The following NTMT1 variants were observed in gnomAD, a reference collection of about 807,000 sequenced individuals.
The protein encoded by NTMT1 is N-terminal RCC1 methyltransferase.
A neutral mutation model predicts 17.5 loss-of-function variants in NTMT1; 8 were observed. The observed-to-expected ratio is 0.46, with a 90% CI of 0.27 to 0.82. The LOEUF is 0.82. NTMT1 is among the 40% of genes least tolerant of loss of function. NTMT1 has a pLI of 0.15. For missense variants in NTMT1, 221 were observed against 303.5 expected (o/e 0.73, Z 2.02); for synonymous variants, 128 against 126.8 (o/e 1.01, Z -0.06).
In NTMT1 at chr9:129,635,372, A is replaced by G. The variant is rs1194454524; in HGVS notation, c.580A>G (p.Ile194Val). ...CRDLDVVRRI[I>V]CSAGLSLLAE... ...GGACCTTGACGTGGTCCGCAGGATC[A>G]TCTGCAGTGCAGGCCTCAGCCTCCT... The change falls in exon 4 of 4, where the codon ATC becomes GTC. Residue 194 changes from isoleucine to valine, a missense_variant. Transcript: ENST00000372483. The G allele has an allele frequency of 1.2e-6, 2 of 1,613,684 alleles. No individual in the cohort carries two copies. Among genetic ancestry groups the G allele is most frequent in the Non-Finnish European group, 1.7e-6 (2 of 1,180,038 alleles).
Position 129,635,488 on chromosome 9 carries a change from AG to A in NTMT1, c.*26del, listed in dbSNP as rs769251299. 6.3e-7 allele frequency: 1 copy of A among 1,596,644 alleles called. No homozygotes were observed. Among genetic ancestry groups the A allele is most frequent in the South Asian group, 1.1e-5 (1 of 89,706 alleles). On this transcript the variant is annotated 3_prime_UTR_variant, in exon 4 of 4. Coordinates refer to ENST00000372483, the MANE Select transcript of NTMT1 (RefSeq NM_014064.4). ...GAGCCGGGGCTGGCAGGAGAAACTG[AG>A]GAACCACAGTCCTGGTGGGGGGAGC...
At position 129,635,326 on chromosome 9, in the gene NTMT1, C is replaced by T. The variant is rs759109241; in HGVS notation, c.534C>T (p.Asp178=). Residue 178 remains aspartate (D), a synonymous_variant, in exon 4 of 4, where the codon GAC becomes GAT. Transcript: ENST00000372483. The part of the protein sequence containing the change: ...NMAQEGVILD[D]VDSSVCRDLD... ...CCCAGGAGGGCGTGATTCTGGACGA[C>T]GTGGACAGCAGCGTGTGCCGGGACC... The T allele has an allele frequency of 2.5e-5, 40 of 1,613,726 alleles. No individual in the cohort carries two copies. Among genetic ancestry groups the T allele is most frequent in the African/African-American group, 8.0e-5 (6 of 74,940 alleles).
In NTMT1 at chr9:129,620,021, A is replaced by G. The variant is rs1449739132; in HGVS notation, c.-55+10843A>G. The G allele has an allele frequency of 6.9e-7, 1 of 1,451,798 alleles. No homozygotes were observed. Among genetic ancestry groups the G allele is most frequent in the Non-Finnish European group, 9.1e-7 (1 of 1,096,404 alleles). 89.9% of individuals were successfully genotyped at this position (1,451,798 alleles called of 1,614,324 possible). A position where few individuals can be genotyped will look rare whatever the true frequency, so the allele number is the denominator to read the frequency against. The stretch of plus-strand genomic sequence containing the variant: ...GCGGGGACACAAGGGACCACCCCCC[A>G]CCGGAAATGACTCGGGCCCGCCCCC... On this transcript the variant is annotated intron_variant, in intron 1 of 3. Coordinates refer to the NTMT1 transcript ENST00000372486. The surrounding 1 kb of genome is among the most constrained non-coding windows in gnomAD (Gnocchi z 5.8).
chr9:129,611,849 CT>C (rs1830120820), intron 1 of NTMT1, among the ~76,000 whole-genome samples: 2 of 152,058 alleles, frequency 1.3e-5, no homozygotes, highest in Non-Finnish European at 2.9e-5. Flanking sequence ...ACCACCTGGG[CT>C]CAAGCAATCT....
chr9:129,634,191 C>G lies in NTMT1; in HGVS notation c.300C>G (p.Ala100=), dbSNP rs750529446. 5 of 1,614,156 alleles carry G rather than the reference C, an allele frequency of 3.1e-6. No homozygotes were observed. Among genetic ancestry groups the G allele is most frequent in the Non-Finnish European group, 4.2e-6 (5 of 1,180,026 alleles). Residue 100 remains alanine (A), a synonymous_variant, in exon 3 of 4, where the codon GCC becomes GCG. Coordinates refer to ENST00000372483, the MANE Select transcript of NTMT1 (RefSeq NM_014064.4). ...TAACGGAGGACTTCCTGGTTCAAGC[C>G]AAGACCTACCTGGGGGAGGAGGGCA... The part of the protein sequence containing the change: ...VDITEDFLVQ[A]KTYLGEEGKR...
rs1404461713 is a variant in NTMT1 at position 129,635,191 on chromosome 9, G to A, written c.416-17G>A. ...GCTTGCATGGTGCCCTGGTAACCTTGCCTCTGCCCTCCCCAGGCCACCTCA... is the reference window on the plus strand; with the variant it reads ...GCTTGCATGGTGCCCTGGTAACCTTACCTCTGCCCTCCCCAGGCCACCTCA... On this transcript the variant is annotated splice_polypyrimidine_tract_variant and intron_variant, in intron 3 of 3. Transcript: ENST00000372483. The A allele has an allele frequency of 2.5e-6, 4 of 1,598,584 alleles. No homozygotes were observed. The Admixed American group carries it at 6.7e-5, about 27-fold the overall frequency.
At chr9:129,623,437 G>A (rs1018975208), upstream of NTMT1, among the ~76,000 whole-genome samples, 1 of 152,228 alleles carries the variant, frequency 6.6e-6, no homozygotes, top group African/African-American at 2.4e-5. Flanking sequence ...CTGGAGAAGT[G>A]TCTTCTTTCT....
At chr9:129,634,495 T>A in intron 3 of NTMT1, 189 bp downstream of exon 3, 1 of 518,278 alleles carries the variant, frequency 1.9e-6, no homozygotes, top group Non-Finnish European at 3.1e-6. Flanking sequence ...AAAAGGTAGA[T>A]TTCTTCCTTC....
rs1481523744 is a variant in NTMT1 at position 129,635,208 on chromosome 9, GC to G, written c.418del (p.His140ThrfsTer35). 1 of 1,606,856 alleles carries G rather than the reference GC, an allele frequency of 6.2e-7. No homozygotes were observed. Among genetic ancestry groups the G allele is most frequent in the Non-Finnish European group, 8.5e-7 (1 of 1,179,154 alleles). ...YDVIWIQWVI[G>X]HLTDQHLAEF... is the part of the protein sequence containing the mutation. The stretch of plus-strand genomic sequence containing the variant: ...GTAACCTTGCCTCTGCCCTCCCCAG[GC>G]CACCTCACCGATCAGCACCTGGCCG... On this transcript the variant is annotated frameshift_variant and splice_region_variant, in exon 4 of 4. Coordinates refer to ENST00000372483, the MANE Select transcript of NTMT1 (RefSeq NM_014064.4). LOFTEE classifies it high-confidence loss of function.
rs139480010 is a variant in NTMT1, at chr9:129,635,364, G to A, written c.572G>A (p.Arg191His). ...GTGTGCCGGGACCTTGACGTGGTCC[G>A]CAGGATCATCTGCAGTGCAGGCCTC... is the stretch of plus-strand genomic sequence containing the variant. Reference protein sequence around the residue: ...SSVCRDLDVVRRIICSAGLSL... With the variant: ...SSVCRDLDVVHRIICSAGLSL... Residue 191 changes from arginine to histidine, a missense_variant, in exon 4 of 4, where the codon CGC (arginine) becomes CAC (histidine). Coordinates refer to ENST00000372483, the MANE Select transcript of NTMT1 (RefSeq NM_014064.4). 44 of 1,613,778 alleles carry A rather than the reference G, an allele frequency of 2.7e-5. No homozygotes were observed. Among genetic ancestry groups the A allele is most frequent in the African/African-American group, 1.2e-4 (9 of 75,060 alleles).
At chr9:129,615,367 T>C in intron 1 of NTMT1, 1 of 1,121,622 alleles carries the variant, frequency 8.9e-7, no homozygotes, top group Non-Finnish European at 1.2e-6. Context: ...GCAGGATCAC[T>C]GATCTCTTGG....
At position 129,613,490 on chromosome 9, in the gene NTMT1, G is replaced by C. The variant is rs1039006654; in HGVS notation, c.-55+4312G>C. 2.5e-6 allele frequency: 4 copies of C among 1,614,046 alleles called. No homozygotes were observed. The African/African-American group carries it at 5.3e-5, about 22-fold the overall frequency. On this transcript the variant is annotated intron_variant, in intron 1 of 3. Coordinates refer to the NTMT1 transcript ENST00000372486. The surrounding 1 kb of genome is among the most constrained non-coding windows in gnomAD (Gnocchi z 6.2). ...GCCAGGGTCTCCTCCTTGGCCCCAGGGTACAGGGCTTTGGGCAAACTCTCC... is the reference window on the plus strand; with the variant it reads ...GCCAGGGTCTCCTCCTTGGCCCCAGCGTACAGGGCTTTGGGCAAACTCTCC...
chr9:129,620,297 T>C lies in NTMT1; in HGVS notation c.-55+11119T>C. 1.6e-6 allele frequency: 2 copies of C among 1,253,802 alleles called. No homozygotes were observed. Among genetic ancestry groups the C allele is most frequent in the East Asian group, 3.2e-5 (1 of 31,676 alleles). 77.7% of individuals were successfully genotyped at this position (1,253,802 alleles called of 1,614,324 possible). On this transcript the variant is annotated intron_variant, in intron 1 of 3. Coordinates refer to the NTMT1 transcript ENST00000372486. The surrounding 1 kb of genome is among the most constrained non-coding windows in gnomAD (Gnocchi z 5.8). ...CAGCAGGGACCGCAGCAGCCCCCGCTTCCGCACGGCCCGCCGGGTCGCGGT... is the reference window on the plus strand; with the variant it reads ...CAGCAGGGACCGCAGCAGCCCCCGCCTCCGCACGGCCCGCCGGGTCGCGGT...
In NTMT1 at chr9:129,632,739, C is replaced by G. The variant is rs201367062; in HGVS notation, c.36C>G (p.Phe12Leu). ...AGGTGATAGAAGACGAGAAGCAATT[C>G]TATTCCAAGGCCAAGACCTACTGGA... ...TSEVIEDEKQFYSKAKTYWKQ... is the reference protein window; with the variant it reads ...TSEVIEDEKQLYSKAKTYWKQ... Residue 12 changes from phenylalanine (F) to leucine (L), a missense_variant, in exon 2 of 4, where the codon TTC (phenylalanine) becomes TTG (leucine). By Grantham distance (22) the Phe-to-Leu change is conservative. Transcript: ENST00000372483. The G allele has an allele frequency of 6.2e-7, 1 of 1,614,042 alleles. No individual in the cohort carries two copies. The highest frequency in any genetic ancestry group is 1.3e-5 in the African/African-American group (1 of 74,924).
intron 2 of NTMT1, 73 bp downstream of exon 2, chr9:129,632,938 A>G: frequency 6.6e-7 from 1 of 1,508,900 alleles, no homozygotes; most frequent in Non-Finnish European, 9.1e-7. Flanking sequence ...GTGGGGTGCC[A>G]CCTTTTACAC....
chr9:129,609,025 T>A (rs1409668211), exon 1 of NTMT1: 2 of 152,184 alleles, frequency 1.3e-5, no homozygotes, highest in African/African-American at 4.8e-5. Context: ...TGAGAAAGAG[T>A]TGAGCCTCTC....
chr9:129,609,675 C>T (rs1830068782), intron 1 of NTMT1, among the ~76,000 whole-genome samples: 1 of 152,012 alleles, frequency 6.6e-6, no homozygotes, highest in Non-Finnish European at 1.5e-5. Context: ...GATAGGCCCC[C>T]GGAGGGCCCC....
chr9:129,617,810 A>G (rs1830469943), intron 1 of NTMT1, among the ~76,000 whole-genome samples: 1 of 152,072 alleles, frequency 6.6e-6, no homozygotes, highest in Non-Finnish European at 1.5e-5. Context: ...CAGCCTCCCG[A>G]GTAGCTGGAA....
In NTMT1 at chr9:129,626,259, C is replaced by A. The variant is rs1830887389; in HGVS notation, c.-91C>A. 2 of 152,228 alleles carry A rather than the reference C, an allele frequency of 1.3e-5. No individual in the cohort carries two copies. The allele number at this position is 152,228 out of a possible 1,614,324, so 9.4% of individuals were successfully genotyped here. ...GCCGCCGCCCTCCCTTCCTCTTCCC[C>A]ATCTTCTTCTCTCGGTCCCGGGAGC... On this transcript the variant is annotated 5_prime_UTR_variant, in exon 1 of 4. Transcript: ENST00000372483.
Sources: gnomAD v4.1 joint callset for allele counts (sites outside exome capture counted in the v4.1 genomes callset) on GRCh38, gnomAD v4.1.1 for gene constraint, Gnocchi (gnomAD v3.1) non-coding constraint, MANE v1.5 for transcripts, NCBI Gene and HGNC (gene_info 2026-07-23, HGNC 2026-07-21) for gene names.